Variants in GPHN observed in about 807,000 individuals in gnomAD.
GPHN encodes gephyrin.
Under a neutral mutation model 95.5 loss-of-function variants are expected in GPHN, and 17 were observed. The ratio of observed to expected loss-of-function variants is 0.18; its 90% CI spans 0.12 to 0.27. The LOEUF is 0.27. Ranked by LOEUF, GPHN falls within the 10% of genes least tolerant of loss-of-function variation. The probability of loss-of-function intolerance (pLI) is 1.00; values close to 1 mark genes in which losing one functional copy is unlikely to be tolerated. For synonymous variants in GPHN, 320 were observed against 322.5 expected (o/e 0.99, Z 0.08); for missense variants, 660 against 978.1 (o/e 0.67, Z 4.34).
At chr14:67,218,051 G>C in the GPHN span, among the ~76,000 whole-genome samples, 1 of 152,300 alleles carries the variant, frequency 6.6e-6, no homozygotes, top group African/African-American at 2.4e-5. Flanking sequence ...GTGTTTGCAA[G>C]TTTCTCAGTG....
the GPHN span, among the ~76,000 whole-genome samples, chr14:67,669,721 T>C: frequency 1.1e-4 from 17 of 152,196 alleles, no homozygotes; most frequent in Non-Finnish European, 2.2e-4. Flanking sequence ...ATTCACCCAG[T>C]TGACCAAGTG....
the GPHN span, among the ~76,000 whole-genome samples, chr14:67,514,915 G>A: frequency 1.3e-5 from 2 of 152,184 alleles, no homozygotes; most frequent in East Asian, 3.9e-4. Context: ...CAGCAGCCTC[G>A]AAACCGAAAG....
intron 12 of GPHN, among the ~76,000 whole-genome samples, chr14:67,096,859 G>A (rs1361863386): frequency 6.6e-6 from 1 of 151,770 alleles, no homozygotes; most frequent in Non-Finnish European, 1.5e-5. Context: ...CTCCTGAGCT[G>A]AAGTGATTTG....
At chr14:67,729,708 T>G in the GPHN span, 1 of 540,568 alleles carries the variant, frequency 1.8e-6, no homozygotes, top group Non-Finnish European at 3.5e-6. Context: ...TTTAAGCTTT[T>G]GGCTCACTTG....
At position 66,924,249 on chromosome 14, in the gene GPHN, TC is replaced by T. The variant is rs1242908115; in HGVS notation, c.788del (p.Pro263LeufsTer94). 1 of 1,611,586 alleles carries T rather than the reference TC, an allele frequency of 6.2e-7. No homozygotes were observed. The highest frequency in any genetic ancestry group is 8.5e-7 in the Non-Finnish European group (1 of 1,177,784). ...AVVMAHGEQPIPGLINYSHHS... is the reference protein window; with the variant it reads ...AVVMAHGEQPXPGLINYSHHS... ...GTCATGGCACACGGTGAACAGCCCA[TC>T]CCTGGTCTCATCAATTATTCCCATC... On this transcript the variant is annotated frameshift_variant, in exon 8 of 23. Coordinates refer to ENST00000478722, the MANE Select transcript of GPHN (RefSeq NM_020806.5). LOFTEE classifies it high-confidence loss of function.
the GPHN span, chr14:67,592,846 C>T: frequency 1.5e-4 from 90 of 611,580 alleles, no homozygotes; most frequent in Middle Eastern, 4.6e-4. Flanking sequence ...AGTGCAGTGG[C>T]GCAATCTCGG....
the GPHN span, among the ~76,000 whole-genome samples, chr14:67,193,958 A>AAAAAAACAAAAAAG: frequency 1.9e-3 from 287 of 149,808 alleles, 10 homozygotes; most frequent in East Asian, 0.014. Flanking sequence ...AAAAAACAAA[A>AAAAAAACAAAAAAG]AAAAAACGAA....
Position 66,922,929 on chromosome 14 carries a change from T to C in GPHN, c.720T>C (p.Ile240=). The C allele has an allele frequency of 1.2e-6, 2 of 1,612,308 alleles. No homozygotes were observed. Among genetic ancestry groups the C allele is most frequent in the Non-Finnish European group, 1.7e-6 (2 of 1,179,756 alleles). The part of the protein sequence containing the change: ...SSSSHITAAA[I]AAKKHPFYTS... ...CATCACATATAACTGCAGCAGCCATTGCTGCCAAGGTAAGCCTGATGAGAG... is the reference window on the plus strand; with the variant it reads ...CATCACATATAACTGCAGCAGCCATCGCTGCCAAGGTAAGCCTGATGAGAG... The change falls in exon 7 of 23, where the codon ATT becomes ATC. Residue 240 remains isoleucine, a synonymous_variant. Transcript: ENST00000478722.
At chr14:67,304,840 T>C in the GPHN span, among the ~76,000 whole-genome samples, 1 of 152,210 alleles carries the variant, frequency 6.6e-6, no homozygotes, top group Non-Finnish European at 1.5e-5. Context: ...TGAATTAACA[T>C]GGAAGCTTGA....
At chr14:67,435,909 A>T in the GPHN span, among the ~76,000 whole-genome samples, 2 of 152,224 alleles carry the variant, frequency 1.3e-5, no homozygotes, top group African/African-American at 4.8e-5. Context: ...TAAGGGGGAA[A>T]AAGAGCTTAG....
intron 1 of GPHN, among the ~76,000 whole-genome samples, chr14:66,576,841 T>C (rs1241560042): frequency 6.6e-6 from 1 of 152,218 alleles, no homozygotes; most frequent in Non-Finnish European, 1.5e-5. Context: ...CAAAATCCTC[T>C]TTTTCTTTCT....
At chr14:67,361,702 GTTGA>G in the GPHN span, among the ~76,000 whole-genome samples, 6 of 152,284 alleles carry the variant, frequency 3.9e-5, no homozygotes, top group Admixed American at 2.0e-4. Flanking sequence ...CTGGAGTTTG[GTTGA>G]TATATTTTGA....
chr14:66,755,187 G>T (rs2058513842), intron 2 of GPHN, among the ~76,000 whole-genome samples: 1 of 152,010 alleles, frequency 6.6e-6, no homozygotes, highest in Non-Finnish European at 1.5e-5. Flanking sequence ...GAGGTATCAG[G>T]TAAAGTTCAT....
chr14:67,615,701 G>C, the GPHN span: 1 of 497,868 alleles, frequency 2.0e-6, no homozygotes. Context: ...CGTTACGAAA[G>C]AGAAATGAAA....
chr14:67,629,256 A>G, the GPHN span, among the ~76,000 whole-genome samples: 2 of 152,190 alleles, frequency 1.3e-5, no homozygotes, highest in Non-Finnish European at 2.9e-5. Flanking sequence ...GTATTGCTTG[A>G]GCCCAGGAGG....
At chr14:67,484,248 T>C in the GPHN span, among the ~76,000 whole-genome samples, 1 of 152,230 alleles carries the variant, frequency 6.6e-6, no homozygotes, top group Non-Finnish European at 1.5e-5. Flanking sequence ...TGTTCACTGC[T>C]GTTTAGTCAG....
chr14:66,676,429 T>C (rs918452527), intron 1 of GPHN, among the ~76,000 whole-genome samples: 8 of 152,144 alleles, frequency 5.3e-5, no homozygotes, highest in African/African-American at 1.9e-4. Context: ...CAGTGTGATA[T>C]TGTCTGAGTG....
At chr14:67,210,029 A>G in the GPHN span, among the ~76,000 whole-genome samples, 1 of 152,178 alleles carries the variant, frequency 6.6e-6, no homozygotes, top group Non-Finnish European at 1.5e-5. Context: ...GCTTTTCATT[A>G]GGTGTCAACA....
chr14:67,373,543 T>A, the GPHN span, among the ~76,000 whole-genome samples: 1 of 152,200 alleles, frequency 6.6e-6, no homozygotes, highest in Admixed American at 6.5e-5. Flanking sequence ...CATGCTGTCC[T>A]CCAGTATTGA....
Sources: allele counts gnomAD v4.1 joint callset (sites outside exome capture counted in the v4.1 genomes callset), GRCh38; gene constraint gnomAD v4.1.1; transcripts MANE v1.5; gene names NCBI Gene and HGNC (gene_info 2026-07-23, HGNC 2026-07-21).